Variants in MCOLN1 observed in about 807,000 individuals in gnomAD.
MCOLN1 encodes mucolipin TRP cation channel 1.
Under a neutral mutation model 70.3 loss-of-function variants are expected in MCOLN1, and 50 were observed. That is an observed-to-expected ratio of 0.71 (90% CI 0.57 to 0.90). The LOEUF is 0.90. Among genes scored for constraint, MCOLN1 ranks in the 40% least tolerant of loss-of-function variants. The pLI is 0.00. For missense variants in MCOLN1, 598 were observed against 803.5 expected, an observed-to-expected ratio of 0.74 and a Z score of 3.09; for synonymous variants, 366 against 341.0, an observed-to-expected ratio of 1.07 and a Z score of -0.81.
rs115798514 is a variant in MCOLN1, at chr19:7,524,295, T to C, written c.32-666T>C. Among the ~76,000 whole-genome samples, 716 of 152,302 alleles carry C rather than the reference T, an allele frequency of 4.7e-3. 8 individuals are homozygous for C. The highest frequency in any genetic ancestry group is 0.016 in the African/African-American group (682 of 41,552). On this transcript the variant is annotated intron_variant, in intron 1 of 13. Coordinates refer to ENST00000264079, the MANE Select transcript of MCOLN1 (RefSeq NM_020533.3). The surrounding 1 kb of genome is among the most constrained non-coding windows in gnomAD (Gnocchi z 4.1). ...TAGGAGCTGGTGCTTTTCAGGGAGA[T>C]AAAATGAGTCTTTAGCGAATGTGTT... is the stretch of plus-strand genomic sequence containing the variant.
chr19:7,533,562 G>A lies in MCOLN1; in HGVS notation c.1615G>A (p.Ala539Thr), dbSNP rs758163053. The A allele has an allele frequency of 6.2e-7, 1 of 1,612,166 alleles. No individual in the cohort carries two copies. The highest frequency in any genetic ancestry group is 8.5e-7 in the Non-Finnish European group (1 of 1,179,956). ...AGGCGCAGAGGAGAGCGAGCTGCAG[G>A]CCTACATCGCACAGTGCCAGGACAG... ...GAGAEESELQAYIAQCQDSPT... is the reference protein window; with the variant it reads ...GAGAEESELQTYIAQCQDSPT... The change falls in exon 13 of 14, where the codon GCC (alanine) becomes ACC (threonine). Residue 539 changes from alanine (A) to threonine (T), a missense_variant. By Grantham distance (58) the Ala-to-Thr change is moderately conservative. Around this residue, in one of 3 missense-constraint regions of MCOLN1, gnomAD observed 59 missense variants for 58.8 expected, o/e 1.00. Coordinates refer to ENST00000264079, the MANE Select transcript of MCOLN1 (RefSeq NM_020533.3).
Position 7,526,779 on chromosome 19 carries a change from G to T in MCOLN1, c.424G>T (p.Val142Leu). Residue 142 changes from valine to leucine, a missense_variant, in exon 4 of 14, where the codon GTG becomes TTG. Coordinates refer to ENST00000264079, the MANE Select transcript of MCOLN1 (RefSeq NM_020533.3). This position sits in a 1 kb window ranked among gnomAD's most constrained non-coding sequence, Gnocchi z 4.6. ...CCCACAGTACCTGGCGTTGCCTGAC[G>T]TGTCACTGGGCCGGTATGCGTATGT... ...AVDQYLALPD[V>L]SLGRYAYVRG... The T allele has an allele frequency of 6.2e-7, 1 of 1,614,128 alleles. No individual in the cohort carries two copies. The highest frequency in any genetic ancestry group is 8.5e-7 in the Non-Finnish European group (1 of 1,180,040).
intron 12 of MCOLN1, 123 bp downstream of exon 12, chr19:7,530,624 TGAAACCAAAAAGAGGGTG>T: frequency 1.0e-6 from 1 of 1,001,276 alleles, no homozygotes; most frequent in Non-Finnish European, 1.6e-6. Flanking sequence ...GGAGACTCTA[TGAAACCAAAAAGAGGGTG>T]GTTCAGAACT....
At chr19:7,529,506 G>GCCCCCCC in intron 10 of MCOLN1, 84 bp from the exon 11 acceptor site, 1 of 280,228 alleles carries the variant, frequency 3.6e-6, no homozygotes, top group South Asian at 3.3e-5. Flanking sequence ...GCAAGGCCCC[G>GCCCCCCC]CCCCTCCCAC....
Position 7,528,494 on chromosome 19 carries a change from C to A in MCOLN1, c.878-103C>A. Reference sequence around the variant, plus strand: ...CCCTGAGCCCACTGACCAACCAAAACCAGCCGTGCAGCCCCCTAGGTCTCC... The same window carrying A: ...CCCTGAGCCCACTGACCAACCAAAAACAGCCGTGCAGCCCCCTAGGTCTCC... On this transcript the variant is annotated intron_variant, in intron 7 of 13. Transcript: ENST00000264079. The surrounding 1 kb of genome is among the most constrained non-coding windows in gnomAD (Gnocchi z 4.2). 1 of 1,491,426 alleles carries A rather than the reference C, an allele frequency of 6.7e-7. No individual in the cohort carries two copies. The highest frequency in any genetic ancestry group is 9.2e-7 in the Non-Finnish European group (1 of 1,091,890). 92.4% of individuals were successfully genotyped at this position (1,491,426 alleles called of 1,614,324 possible). A position where few individuals can be genotyped will look rare whatever the true frequency, so the allele number is the denominator to read the frequency against.
At chr19:7,530,068 G>A (rs1191577917) in intron 11 of MCOLN1, among the ~76,000 whole-genome samples, 2 of 151,356 alleles carry the variant, frequency 1.3e-5, no homozygotes, top group African/African-American at 2.4e-5. Flanking sequence ...CCTGGGTCCC[G>A]GCCATTCACG....
Position 7,525,491 on chromosome 19 carries a change from A to AG in MCOLN1, c.237+325_237+326insG. Reference sequence around the variant, plus strand: ...CTGGGCAACAGAGCAAGACTGTCTCAAAAAAAAAAAGAAGCCGACTCTGAG... The same window carrying AG: ...CTGGGCAACAGAGCAAGACTGTCTCAGAAAAAAAAAAGAAGCCGACTCTGAG... On this transcript the variant is annotated intron_variant, in intron 2 of 13. Transcript: ENST00000264079. This position sits in a 1 kb window ranked among gnomAD's most constrained non-coding sequence, Gnocchi z 4.2. The AG allele has an allele frequency of 8.4e-6, 1 of 119,310 alleles. No individual in the cohort carries two copies. The highest frequency in any genetic ancestry group is 5.3e-5 in the South Asian group (1 of 18,966). The allele number at this position is 119,310 out of a possible 1,614,324, so 7.4% of individuals were successfully genotyped here.
chr19:7,526,511 C>T lies in MCOLN1; in HGVS notation c.310C>T (p.Leu104Phe). ...AGAGAACACCATCGCCTTCCGACAC[C>T]TCTTCCTGCTGGGCTACTCGGACGG... is the stretch of plus-strand genomic sequence containing the variant. Reference protein sequence around the residue: ...REENTIAFRHLFLLGYSDGAD... With the variant: ...REENTIAFRHFFLLGYSDGAD... Residue 104 changes from leucine to phenylalanine, a missense_variant, in exon 3 of 14, where the codon CTC (leucine) becomes TTC (phenylalanine). Physicochemically the swap from Leu to Phe is conservative, Grantham distance 22. This residue lies in a region of MCOLN1 where 461 missense variants were observed against 588.4 expected (regional missense o/e 0.78). Coordinates refer to ENST00000264079, the MANE Select transcript of MCOLN1 (RefSeq NM_020533.3). This position sits in a 1 kb window ranked among gnomAD's most constrained non-coding sequence, Gnocchi z 4.6. 1 of 1,614,258 alleles carries T rather than the reference C, an allele frequency of 6.2e-7. No homozygotes were observed. The highest frequency in any genetic ancestry group is 1.1e-5 in the South Asian group (1 of 91,092).
In MCOLN1 at chr19:7,528,619, G is replaced by C. The variant is rs1568399448; in HGVS notation, c.900G>C (p.Leu300=). ...CAGGAGACAACAGCTTCCGGCTCCT[G>C]TTTGACGTGGTGGTCATCCTCACCT... The part of the protein sequence containing the change: ...FQHGDNSFRL[L]FDVVVILTCS... The change falls in exon 8 of 14, where the codon CTG becomes CTC. Residue 300 remains leucine (L), a synonymous_variant. Transcript: ENST00000264079. The surrounding 1 kb of genome is among the most constrained non-coding windows in gnomAD (Gnocchi z 4.2). 3 of 1,614,254 alleles carry C rather than the reference G, an allele frequency of 1.9e-6. 1 individual carries two copies. Among genetic ancestry groups the C allele is most frequent in the Non-Finnish European group, 1.7e-6 (2 of 1,180,050 alleles).
intron 10 of MCOLN1, 75 bp from the exon 11 acceptor site, chr19:7,529,515 A>AAAGGGGGGCC (rs2146025326): frequency 1.5e-5 from 6 of 407,476 alleles, no homozygotes; most frequent in Non-Finnish European, 2.4e-5. Context: ...CGCCCCTCCC[A>AAAGGGGGGCC]CCCCCATCTG....
chr19:7,525,702 T>A lies in MCOLN1; in HGVS notation c.237+536T>A, dbSNP rs1162539689. 5.9e-6 allele frequency: 1 copy of A among 170,536 alleles called. No homozygotes were observed. The highest frequency in any genetic ancestry group is 1.3e-5 in the Non-Finnish European group (1 of 79,434). 10.6% of individuals were successfully genotyped at this position (170,536 alleles called of 1,614,324 possible). A position where few individuals can be genotyped will look rare whatever the true frequency, so the allele number is the denominator to read the frequency against. ...GATGAATCAGACCCAGCCACTGCCCTAAGTGCTTACTTCATGTTTTGGGCT... is the reference window on the plus strand; with the variant it reads ...GATGAATCAGACCCAGCCACTGCCCAAAGTGCTTACTTCATGTTTTGGGCT... On this transcript the variant is annotated intron_variant, in intron 2 of 13. Transcript: ENST00000264079. The surrounding 1 kb of genome is among the most constrained non-coding windows in gnomAD (Gnocchi z 4.2).
At position 7,527,000 on chromosome 19, in the gene MCOLN1, C is replaced by T; in HGVS notation, c.571+74C>T. On this transcript the variant is annotated intron_variant, in intron 4 of 13. Transcript: ENST00000264079. The surrounding 1 kb of genome is among the most constrained non-coding windows in gnomAD (Gnocchi z 4.6). ...ATTAAAATCAACAGCTGTGGCTGGG[C>T]ACGGTGGCTCACGCCTATAATACCA... 6.4e-7 allele frequency: 1 copy of T among 1,570,444 alleles called. No individual in the cohort carries two copies. Among genetic ancestry groups the T allele is most frequent in the East Asian group, 2.2e-5 (1 of 44,690 alleles).
In MCOLN1 at chr19:7,528,393, G is replaced by A. The variant is rs2022603745; in HGVS notation, c.877+136G>A. 1 of 1,010,208 alleles carries A rather than the reference G, an allele frequency of 9.9e-7. No individual in the cohort carries two copies. The highest frequency in any genetic ancestry group is 1.6e-5 in the African/African-American group (1 of 62,568). The allele number at this position is 1,010,208 out of a possible 1,614,324, so 62.6% of individuals were successfully genotyped here. A position where few individuals can be genotyped will look rare whatever the true frequency, so the allele number is the denominator to read the frequency against. ...CTGAGCCTCAGATCAGCACAGACCA[G>A]GGACCCCGTCCTGTGCTGAGATCCC... On this transcript the variant is annotated intron_variant, in intron 7 of 13. Coordinates refer to ENST00000264079, the MANE Select transcript of MCOLN1 (RefSeq NM_020533.3). The surrounding 1 kb of genome is among the most constrained non-coding windows in gnomAD (Gnocchi z 4.2).
rs1385398461 is a variant in MCOLN1 at position 7,526,434 on chromosome 19, C to G, written c.238-5C>G. The stretch of plus-strand genomic sequence containing the variant: ...CCATGCCAACCTCTACTACCCTCTC[C>G]CCAGCTCATCCTGTTTGGGCTCAGT... On this transcript the variant is annotated splice_polypyrimidine_tract_variant and splice_region_variant and intron_variant, in intron 2 of 13. Coordinates refer to ENST00000264079, the MANE Select transcript of MCOLN1 (RefSeq NM_020533.3). The surrounding 1 kb of genome is among the most constrained non-coding windows in gnomAD (Gnocchi z 4.6). 3 of 1,614,136 alleles carry G rather than the reference C, an allele frequency of 1.9e-6. No homozygotes were observed. In the African/African-American group the frequency reaches 4.0e-5, roughly 22 times the overall value.
chr19:7,533,439 T>C lies in MCOLN1; in HGVS notation c.1576-84T>C, dbSNP rs2022695556. 3 of 1,577,624 alleles carry C rather than the reference T, an allele frequency of 1.9e-6. No individual in the cohort carries two copies. In the Admixed American group the frequency reaches 5.1e-5, roughly 27 times the overall value. On this transcript the variant is annotated intron_variant, in intron 12 of 13. Coordinates refer to ENST00000264079, the MANE Select transcript of MCOLN1 (RefSeq NM_020533.3). The stretch of plus-strand genomic sequence containing the variant: ...GCCCGGAGGTGGGAAGCGATGCAGA[T>C]ATGGCTGGAGGGGAGGGCGGACTTC...
chr19:7,530,402 C>T lies in MCOLN1; in HGVS notation c.1476C>T (p.Leu492=), dbSNP rs759991365. 6.2e-7 allele frequency: 1 copy of T among 1,613,856 alleles called. No homozygotes were observed. The highest frequency in any genetic ancestry group is 8.5e-7 in the Non-Finnish European group (1 of 1,180,040). ...AGGGCCGCAGCAGCCTGGTGTGGCT[C>T]TTCTCCCAGCTCTACCTTTACTCCT... The part of the protein sequence containing the change: ...AQQGRSSLVW[L]FSQLYLYSFI... The change falls in exon 12 of 14, where the codon CTC becomes CTT. Residue 492 remains leucine, a synonymous_variant. Transcript: ENST00000264079.
Position 7,533,506 on chromosome 19 carries a change from C to T in MCOLN1, c.1576-17C>T, listed in dbSNP as rs113518018. ...GGGAGCCACTTTCAGGCTGAGCCTC[C>T]CGGCTTCTCTCCCCAGCATCCCGGC... is the stretch of plus-strand genomic sequence containing the variant. On this transcript the variant is annotated splice_polypyrimidine_tract_variant and intron_variant, in intron 12 of 13. Transcript: ENST00000264079. The T allele has an allele frequency of 1.4e-5, 22 of 1,610,200 alleles. No homozygotes were observed. The highest frequency in any genetic ancestry group is 1.7e-5 in the Admixed American group (1 of 59,972).
Position 7,526,142 on chromosome 19 carries a change from C to T in MCOLN1, c.238-297C>T, listed in dbSNP as rs2022564254. On this transcript the variant is annotated intron_variant, in intron 2 of 13. Transcript: ENST00000264079. The surrounding 1 kb of genome is among the most constrained non-coding windows in gnomAD (Gnocchi z 4.6). ...AACACAGAATCGGACATCCAGTAAA[C>T]ATTTAATGAACGTTAGTCCCTGCAG... is the stretch of plus-strand genomic sequence containing the variant. 1 of 490,122 alleles carries T rather than the reference C, an allele frequency of 2.0e-6. No homozygotes were observed. The highest frequency in any genetic ancestry group is 3.8e-6 in the Non-Finnish European group (1 of 266,660). 30.4% of individuals were successfully genotyped at this position (490,122 alleles called of 1,614,324 possible).
At position 7,526,487 on chromosome 19, in the gene MCOLN1, G is replaced by A. The variant is rs1400678516; in HGVS notation, c.286G>A (p.Glu96Lys). 15 of 1,614,266 alleles carry A rather than the reference G, an allele frequency of 9.3e-6. No individual in the cohort carries two copies. The highest frequency in any genetic ancestry group is 6.8e-6 in the Non-Finnish European group (8 of 1,180,050). The change falls in exon 3 of 14, where the codon GAG becomes AAG. Residue 96 changes from glutamate (E) to lysine (K), a missense_variant. Transcript: ENST00000264079. The surrounding 1 kb of genome is among the most constrained non-coding windows in gnomAD (Gnocchi z 4.6). ...SNQLAVTFRE[E>K]NTIAFRHLFL... ...TCAGCTGGCTGTGACATTCCGGGAA[G>A]AGAACACCATCGCCTTCCGACACCT...
Sources: allele counts gnomAD v4.1 joint callset (sites outside exome capture counted in the v4.1 genomes callset), GRCh38; gene constraint gnomAD v4.1.1; regional missense constraint gnomAD v4.1.1; non-coding constraint Gnocchi (gnomAD v3.1); transcripts MANE v1.5; gene names NCBI Gene and HGNC (gene_info 2026-07-23, HGNC 2026-07-21).